Variants in HNRNPH1 observed in about 807,000 individuals in gnomAD.
HNRNPH1 encodes the protein heterogeneous nuclear ribonucleoprotein H.
In HNRNPH1, 4 loss-of-function variants were observed where a neutral mutation model predicts 58.6. The observed-to-expected ratio is 0.07, with a 90% CI of 0.03 to 0.16. HNRNPH1 has a LOEUF of 0.16. HNRNPH1 is among the 10% of genes least tolerant of loss of function. The pLI is 1.00. For synonymous variants in HNRNPH1, 192 were observed against 189.2 expected, an observed-to-expected ratio of 1.01 and a Z score of -0.12; for missense variants, 271 against 564.2, an observed-to-expected ratio of 0.48 and a Z score of 5.26.
chr5:179,624,749 GACACAGACAAT>G, upstream of HNRNPH1: 1 of 396,670 alleles, frequency 2.5e-6, no homozygotes, highest in East Asian at 3.6e-5. Flanking sequence ...AGCTTTAGTG[GACACAGACAAT>G]ACACAAATTA....
At chr5:179,624,890 C>A (rs1562356816), upstream of HNRNPH1, among the ~76,000 whole-genome samples, 1 of 152,152 alleles carries the variant, frequency 6.6e-6, no homozygotes, top group Non-Finnish European at 1.5e-5. Context: ...AGTCCGAATC[C>A]AGTTTTGACA....
At position 179,624,111 on chromosome 5, in the gene HNRNPH1, C is replaced by A. The variant is rs181998605; in HGVS notation, c.-978G>T. 415 of 165,570 alleles carry A rather than the reference C, an allele frequency of 2.5e-3. 4 individuals are homozygous for A. Among genetic ancestry groups the A allele is most frequent in the African/African-American group, 9.5e-3 (401 of 42,232 alleles). The allele number at this position is 165,570 out of a possible 1,614,324, so 10.3% of individuals were successfully genotyped here. A position where few individuals can be genotyped will look rare whatever the true frequency, so the allele number is the denominator to read the frequency against. ...CAGGCTCTTACCGGCGCGCTCCTGG[C>A]CGACCTGAAAGGAGGGGCGCGGCCT... On this transcript the variant is annotated 5_prime_UTR_variant, in exon 1 of 13. Coordinates refer to ENST00000356731, the Ensembl canonical transcript of HNRNPH1.
At chr5:179,623,080 C>G in exon 1 of HNRNPH1, 1 of 1,607,904 alleles carries the variant, frequency 6.2e-7, no homozygotes, top group Non-Finnish European at 8.5e-7. Context: ...AAGACCAGGG[C>G]AAGCCCCGGA....
At chr5:179,629,537 G>A (rs1220588231), upstream of HNRNPH1, 6 of 150,930 alleles carry the variant, frequency 4.0e-5, no homozygotes, top group Non-Finnish European at 7.4e-5. Flanking sequence ...TGACTGCCTC[G>A]GCCTCCCAAA....
chr5:179,623,243 G>T (rs910963704), exon 1 of HNRNPH1: 16 of 675,146 alleles, frequency 2.4e-5, no homozygotes, highest in South Asian at 1.5e-4. Context: ...GGCCCGCACC[G>T]CCCCCCCACG....
At position 179,620,207 on chromosome 5, in the gene HNRNPH1, G is replaced by A. The variant is rs186263778; in HGVS notation, c.397+685C>T. ...ACCATGAAAGGATTTCCTGCTTCCAGCGTATCACATCATAAATATTAATAC... is the reference window on the plus strand; with the variant it reads ...ACCATGAAAGGATTTCCTGCTTCCAACGTATCACATCATAAATATTAATAC... On this transcript the variant is annotated intron_variant, in intron 3 of 12. Coordinates refer to ENST00000356731, the Ensembl canonical transcript of HNRNPH1. Among the ~76,000 whole-genome samples the A allele has an allele frequency of 8.6e-4, 131 of 152,268 alleles. 1 individual carries two copies. The highest frequency in any genetic ancestry group is 5.9e-5 in the Non-Finnish European group (4 of 68,030).
chr5:179,624,746 G>C (rs1045962003), upstream of HNRNPH1: 1 of 396,672 alleles, frequency 2.5e-6, no homozygotes, highest in African/African-American at 2.1e-5. Context: ...CCCAGCTTTA[G>C]TGGACACAGA....
chr5:179,616,999 A>G, intron 9 of HNRNPH1, 41 bp from the exon 11 acceptor site: 1 of 1,604,808 alleles, frequency 6.2e-7, no homozygotes, highest in South Asian at 1.1e-5. Context: ...GCTTAAAAAA[A>G]AGACACTAAA....
At chr5:179,615,123 C>A in intron 12 of HNRNPH1, 164 bp from the exon 14 acceptor site, 2 of 597,614 alleles carry the variant, frequency 3.3e-6, no homozygotes, top group South Asian at 2.0e-5. Context: ...CCAAACAAGC[C>A]TCAATTAACC....
chr5:179,622,042 G>A (rs1039966385), intron 1 of HNRNPH1: 5 of 454,352 alleles, frequency 1.1e-5, no homozygotes, highest in South Asian at 3.1e-5. Context: ...CATCCAAATA[G>A]AATTTTAATC....
rs946368624 is a variant in HNRNPH1, at chr5:179,622,773, A to T, written c.97+264T>A. 3 of 152,176 alleles carry T rather than the reference A, an allele frequency of 2.0e-5. No homozygotes were observed. The East Asian group carries it at 5.8e-4, about 29-fold the overall frequency. 9.4% of individuals were successfully genotyped at this position (152,176 alleles called of 1,614,324 possible). ...TGTTCAAAGATAGGTAAAGAAAACA[A>T]AGTCTGCCAAACCTGCCGCACTCCC... On this transcript the variant is annotated intron_variant, in intron 1 of 12. Coordinates refer to ENST00000356731, the Ensembl canonical transcript of HNRNPH1.
intron 4 of HNRNPH1, 164 bp downstream of exon 5, chr5:179,619,098 CTAAAATT>C (rs1346903880): frequency 3.5e-6 from 2 of 573,652 alleles, no homozygotes; most frequent in Non-Finnish European, 6.0e-6. Context: ...AATTTCAAAC[CTAAAATT>C]TAGTTTGCGT....
At chr5:179,617,420 A>G in intron 8 of HNRNPH1, 94 bp downstream of exon 9, 6 of 1,389,094 alleles carry the variant, frequency 4.3e-6, no homozygotes, top group Non-Finnish European at 5.9e-6. Flanking sequence ...TGGAGAGGAA[A>G]CTTCTCATAT....
intron 2 of HNRNPH1, among the ~76,000 whole-genome samples, chr5:179,630,263 C>T (rs975637274): frequency 2.0e-5 from 3 of 151,880 alleles, no homozygotes; most frequent in Non-Finnish European, 2.9e-5. Flanking sequence ...GCAGGAGAAT[C>T]GCTTGAATGT....
chr5:179,626,898 C>T (rs1270929130), upstream of HNRNPH1, among the ~76,000 whole-genome samples: 2 of 151,360 alleles, frequency 1.3e-5, no homozygotes, highest in South Asian at 2.1e-4. Flanking sequence ...GCCTCAGCCT[C>T]CCGAGTAGAG....
chr5:179,618,521 A>AT, intron 4 of HNRNPH1, 198 bp from the exon 6 acceptor site: 63 of 420,556 alleles, frequency 1.5e-4, no homozygotes, highest in Non-Finnish European at 1.9e-4. Flanking sequence ...TAAACTTTAT[A>AT]GAAAAAAAAA....
intron 3 of HNRNPH1, chr5:179,620,006 C>T (rs2127659021): frequency 6.6e-6 from 1 of 152,252 alleles, no homozygotes; most frequent in South Asian, 2.1e-4. Context: ...GGATACATTC[C>T]CAAGCTTACA....
intron 1 of HNRNPH1, chr5:179,621,852 G>C (rs1772522895): frequency 2.3e-6 from 1 of 440,888 alleles, no homozygotes; most frequent in Non-Finnish European, 4.5e-6. Flanking sequence ...CCTGAAAGGG[G>C]ATCAGTGTTA....
exon 11 of HNRNPH1, chr5:179,616,209 G>C (rs781737191): frequency 6.2e-7 from 1 of 1,613,860 alleles, no homozygotes. Context: ...CCCGTAGCTG[G>C]ACTGGTTTGC....
Sources: gnomAD v4.1 joint callset for allele counts (sites outside exome capture counted in the v4.1 genomes callset) on GRCh38, gnomAD v4.1.1 for gene constraint, MANE v1.5 for transcripts, NCBI Gene and HGNC (gene_info 2026-07-23, HGNC 2026-07-21) for gene names.